Variants in ZRANB2 observed in about 807,000 individuals in gnomAD.
ZRANB2 encodes zinc finger Ran-binding domain-containing protein 2.
A neutral mutation model predicts 53.4 loss-of-function variants in ZRANB2; 19 were observed. That is an observed-to-expected ratio of 0.36 (90% CI 0.25 to 0.52). The LOEUF (loss-of-function observed/expected upper bound fraction) is 0.52, where lower values mean the gene tolerates loss of function less well. ZRANB2 is among the 20% of genes least tolerant of loss of function. The pLI is 0.93. For synonymous variants in ZRANB2, 145 were observed against 134.8 expected (o/e 1.08, Z -0.52); for missense variants, 309 against 401.1 (o/e 0.77, Z 1.96).
At chr1:71,071,605 T>C (rs1395804752) in intron 6 of ZRANB2, among the ~76,000 whole-genome samples, 2 of 152,002 alleles carry the variant, frequency 1.3e-5, no homozygotes, top group African/African-American at 4.8e-5. Flanking sequence ...GTCCCCCTCA[T>C]CTCATTCTCC....
At chr1:71,069,548 A>C (rs1017045279) in intron 7 of ZRANB2, 186 bp from the exon 8 acceptor site, 10 of 423,158 alleles carry the variant, frequency 2.4e-5, no homozygotes, top group East Asian at 3.8e-5. Flanking sequence ...TAATTAAAAA[A>C]ATATCACTTT....
chr1:71,072,769 C>A (rs1278019661), intron 4 of ZRANB2, among the ~76,000 whole-genome samples: 1 of 152,024 alleles, frequency 6.6e-6, no homozygotes, highest in East Asian at 1.9e-4. Flanking sequence ...CTTTTCAATT[C>A]CAAATTGCCC....
chr1:71,066,813 G>C lies in ZRANB2; in HGVS notation c.892C>G (p.Arg298Gly), dbSNP rs141936453. The change falls in exon 9 of 10, where the codon CGC becomes GGC. Residue 298 changes from arginine (R) to glycine (G), a missense_variant. Arg to Gly is a moderately radical substitution (Grantham distance 125). Around this residue, in one of 3 missense-constraint regions of ZRANB2, gnomAD observed 211 missense variants for 196.1 expected, o/e 1.08. Coordinates refer to ENST00000370920, the MANE Select transcript of ZRANB2 (RefSeq NM_203350.3). ...CGTGATCTTGTTCGTCTTTTTTTGC[G>C]ATCACCAGATGAAGAAGATCTAGAA... ...SRSRSSSSGD[R>G]KKRRTRSRSP... 2 of 1,611,176 alleles carry C rather than the reference G, an allele frequency of 1.2e-6. No homozygotes were observed. Among genetic ancestry groups the C allele is most frequent in the Non-Finnish European group, 1.7e-6 (2 of 1,179,042 alleles).
chr1:71,079,785 G>A (rs1359118883), intron 1 of ZRANB2, among the ~76,000 whole-genome samples: 1 of 152,136 alleles, frequency 6.6e-6, no homozygotes, highest in Non-Finnish European at 1.5e-5. Flanking sequence ...AGAAGTTGTT[G>A]TTCTAAATCT....
In ZRANB2 at chr1:71,070,850, G is replaced by C; in HGVS notation, c.660C>G (p.Pro220=). Residue 220 remains proline (P), a synonymous_variant, in exon 7 of 10, where the codon CCC becomes CCG. Transcript: ENST00000370920. ...HSRSSSRSSS[P]SSSRSRSRSR... ...ACCTGGACCTAGACCTTGAACTTGA[G>C]GGGGAGGATGAGCGTGATGAAGATC... 1 of 1,600,654 alleles carries C rather than the reference G, an allele frequency of 6.2e-7. No homozygotes were observed. The highest frequency in any genetic ancestry group is 8.5e-7 in the Non-Finnish European group (1 of 1,172,992).
rs1661674531 is a variant in ZRANB2, at chr1:71,074,954, G to GTC, written c.301+1840_301+1841insGA. On this transcript the variant is annotated intron_variant, in intron 4 of 9. Coordinates refer to ENST00000370920, the MANE Select transcript of ZRANB2 (RefSeq NM_203350.3). ...TACTTGTAGCAAGGGAAGTGAGAAAGGTTCAAGACACCAGAATGACTGAAA... is the reference window on the plus strand; with the variant it reads ...TACTTGTAGCAAGGGAAGTGAGAAAGTCGTTCAAGACACCAGAATGACTGAAA... Among the ~76,000 whole-genome samples the GTC allele has an allele frequency of 2.0e-5, 3 of 152,252 alleles. No individual in the cohort carries two copies. In the South Asian group the frequency reaches 6.2e-4, roughly 32 times the overall value.
At chr1:71,065,482 G>A (rs1467914606) in intron 9 of ZRANB2, among the ~76,000 whole-genome samples, 3 of 152,074 alleles carry the variant, frequency 2.0e-5, no homozygotes, top group Non-Finnish European at 4.4e-5. Flanking sequence ...GGTAATGGAA[G>A]TGTGACTAAA....
In ZRANB2 at chr1:71,066,822, A is replaced by T. The variant is rs752405754; in HGVS notation, c.883T>A (p.Ser295Thr). The change falls in exon 9 of 10, where the codon TCT (serine) becomes ACT (threonine). Residue 295 changes from serine (S) to threonine (T), a missense_variant. Coordinates refer to ENST00000370920, the MANE Select transcript of ZRANB2 (RefSeq NM_203350.3). ...GTTCGTCTTTTTTTGCGATCACCAG[A>T]TGAAGAAGATCTAGAACGACTTCTC... Reference protein sequence around the residue: ...RKRSRSRSSSSGDRKKRRTRS... With the variant: ...RKRSRSRSSSTGDRKKRRTRS... The T allele has an allele frequency of 6.2e-7, 1 of 1,612,504 alleles. No homozygotes were observed. Among genetic ancestry groups the T allele is most frequent in the Non-Finnish European group, 8.5e-7 (1 of 1,179,498 alleles).
At chr1:71,078,106 G>A (rs1661748920) in intron 3 of ZRANB2, among the ~76,000 whole-genome samples, 1 of 152,068 alleles carries the variant, frequency 6.6e-6, no homozygotes, top group South Asian at 2.1e-4. Flanking sequence ...GTTTTGTGGT[G>A]TATTTCACAC....
chr1:71,066,635 T>C (rs1241803147), intron 9 of ZRANB2, 141 bp downstream of exon 9: 23 of 748,330 alleles, frequency 3.1e-5, no homozygotes, highest in South Asian at 2.1e-5. Flanking sequence ...AGCAAAGTAA[T>C]GTTTTTTTGA....
intron 8 of ZRANB2, 88 bp downstream of exon 8, chr1:71,069,188 C>T (rs768149587): frequency 9.1e-7 from 1 of 1,100,068 alleles, no homozygotes; most frequent in East Asian, 2.6e-5. Context: ...CAAGTAGAAG[C>T]AAAATAAGGG....
chr1:71,079,928 T>G (rs928984398), intron 1 of ZRANB2, among the ~76,000 whole-genome samples: 3 of 152,158 alleles, frequency 2.0e-5, no homozygotes, highest in Non-Finnish European at 4.4e-5. Flanking sequence ...TTACTATCAA[T>G]AGCCACCAAT....
In ZRANB2 at chr1:71,066,723, A is replaced by G. The variant is rs1661449341; in HGVS notation, c.929+53T>C. On this transcript the variant is annotated intron_variant, in intron 9 of 9. Transcript: ENST00000370920. ...ACCCTTGACTAGGAAAGTTTACTTT[A>G]TCTATTAAACACACTTAAGAACACC... is the stretch of plus-strand genomic sequence containing the variant. The G allele has an allele frequency of 3.9e-6, 6 of 1,545,492 alleles. No individual in the cohort carries two copies. In the South Asian group the frequency reaches 5.1e-5, roughly 13 times the overall value.
chr1:71,075,590 C>T (rs1661691191), intron 4 of ZRANB2, among the ~76,000 whole-genome samples: 1 of 151,872 alleles, frequency 6.6e-6, no homozygotes, highest in South Asian at 2.1e-4. Context: ...GAAAGAGGGC[C>T]AGGGATGGCT....
chr1:71,081,033 T>G lies in ZRANB2; in HGVS notation c.-38A>C. On this transcript the variant is annotated 5_prime_UTR_variant, in exon 1 of 10. Coordinates refer to ENST00000370920, the MANE Select transcript of ZRANB2 (RefSeq NM_203350.3). ...CAGCACAGCCACCCGCAGCTATGTC[T>G]TCACAGGAGGAAAACGGGCCGGGGA... 2 of 1,613,934 alleles carry G rather than the reference T, an allele frequency of 1.2e-6. No individual in the cohort carries two copies. The highest frequency in any genetic ancestry group is 1.7e-6 in the Non-Finnish European group (2 of 1,179,882).
chr1:71,070,712 T>C, intron 7 of ZRANB2, 115 bp downstream of exon 7: 1 of 622,418 alleles, frequency 1.6e-6, no homozygotes, highest in Admixed American at 2.9e-5. Flanking sequence ...TGATTTGAAT[T>C]AAATTTTTAA....
At position 71,072,115 on chromosome 1, in the gene ZRANB2, G is replaced by C. The variant is rs1218459767; in HGVS notation, c.513+6C>G. Reference sequence around the variant, plus strand: ...AAAAGGGAAATAGGACAAGAAAATTGTTCACCTCATCTAACTTATATTTAG... The same window carrying C: ...AAAAGGGAAATAGGACAAGAAAATTCTTCACCTCATCTAACTTATATTTAG... On this transcript the variant is annotated splice_donor_region_variant and intron_variant, in intron 6 of 9. Transcript: ENST00000370920. 2 of 1,602,440 alleles carry C rather than the reference G, an allele frequency of 1.2e-6. No homozygotes were observed. Among genetic ancestry groups the C allele is most frequent in the Admixed American group, 3.5e-5 (2 of 57,286 alleles).
chr1:71,064,837 T>C lies in ZRANB2; in HGVS notation c.*237A>G, dbSNP rs564267368. 7 of 359,216 alleles carry C rather than the reference T, an allele frequency of 1.9e-5. No homozygotes were observed. The South Asian group carries it at 4.5e-4, about 23-fold the overall frequency. The allele number at this position is 359,216 out of a possible 1,614,324, so 22.3% of individuals were successfully genotyped here. A position where few individuals can be genotyped will look rare whatever the true frequency, so the allele number is the denominator to read the frequency against. On this transcript the variant is annotated 3_prime_UTR_variant, in exon 10 of 10. Transcript: ENST00000370920. The stretch of plus-strand genomic sequence containing the variant: ...TTGTTATAGCTGAAATGGTTTTAAA[T>C]GAAGCAAATGGTTGTAAATAATGAA...
rs1661653050 is a variant in ZRANB2, at chr1:71,074,042, C to T, written c.302-1494G>A. Among the ~76,000 whole-genome samples, 3 of 152,230 alleles carry T rather than the reference C, an allele frequency of 2.0e-5. No individual in the cohort carries two copies. The South Asian group carries it at 6.2e-4, about 32-fold the overall frequency. ...GCTGTATAAATTGGTTTTATTTCCA[C>T]TCTTGCCGCCACCTCTCCTAATTAC... On this transcript the variant is annotated intron_variant, in intron 4 of 9. Coordinates refer to ENST00000370920, the MANE Select transcript of ZRANB2 (RefSeq NM_203350.3).
Sources: gnomAD v4.1 joint callset for allele counts (sites outside exome capture counted in the v4.1 genomes callset) on GRCh38, gnomAD v4.1.1 for gene constraint, gnomAD v4.1.1 regional missense constraint, MANE v1.5 for transcripts, NCBI Gene and HGNC (gene_info 2026-07-23, HGNC 2026-07-21) for gene names.